Variants in RABGAP1L observed in about 807,000 individuals in gnomAD.
RABGAP1L encodes rab GTPase-activating protein 1-like.
Under a neutral mutation model 137.7 loss-of-function variants are expected in RABGAP1L, and 63 were observed. That is an observed-to-expected ratio of 0.46 (90% CI 0.37 to 0.56). The LOEUF (loss-of-function observed/expected upper bound fraction) is 0.56. Among genes scored for constraint, RABGAP1L ranks in the 20% least tolerant of loss-of-function variants. RABGAP1L has a pLI of 0.00. For missense variants in RABGAP1L, 1,095 were observed against 1,244.0 expected (o/e 0.88, Z 1.80); for synonymous variants, 431 against 433.7 (o/e 0.99, Z 0.08).
chr1:174,983,492 T>A (rs537458726), intron 24 of RABGAP1L, among the ~76,000 whole-genome samples: 1 of 152,300 alleles, frequency 6.6e-6, no homozygotes, highest in African/African-American at 2.4e-5. Flanking sequence ...AGTAAACCAA[T>A]GGATTGGTAT....
chr1:174,370,183 T>C (rs1684988603), intron 11 of RABGAP1L, among the ~76,000 whole-genome samples: 1 of 152,208 alleles, frequency 6.6e-6, no homozygotes, highest in South Asian at 2.1e-4. Context: ...AGCTATCTTA[T>C]TTTATTCCGA....
chr1:174,196,237 T>G (rs1667679325), intron 1 of RABGAP1L, among the ~76,000 whole-genome samples: 1 of 151,106 alleles, frequency 6.6e-6, no homozygotes, highest in African/African-American at 2.4e-5. Flanking sequence ...CTTTTTTTTT[T>G]TTTTGAGACT....
rs190979261 is a variant in RABGAP1L at position 174,906,673 on chromosome 1, C to G, written c.2341-50784C>G. On this transcript the variant is annotated intron_variant, in intron 19 of 25. Transcript: ENST00000681986. ...ATAATAATAGTAATAGAAAACTTTC[C>G]AGGTACAAGAAAGCCTGAGATCACT... Among the ~76,000 whole-genome samples the G allele has an allele frequency of 4.1e-3, 619 of 151,694 alleles. 5 individuals carry two copies. Among genetic ancestry groups the G allele is most frequent in the African/African-American group, 0.014 (594 of 41,460 alleles).
chr1:174,441,844 T>G (rs944981240), intron 13 of RABGAP1L, among the ~76,000 whole-genome samples: 4 of 151,896 alleles, frequency 2.6e-5, no homozygotes, highest in Non-Finnish European at 5.9e-5. Context: ...GCTTTTTTTT[T>G]TTTTTTAAAG....
At chr1:174,557,647 G>A (rs1235524465) in intron 13 of RABGAP1L, among the ~76,000 whole-genome samples, 1 of 152,228 alleles carries the variant, frequency 6.6e-6, no homozygotes, top group Admixed American at 6.5e-5. Flanking sequence ...TAGGATCCCA[G>A]TGGTTTCTTT....
At chr1:174,883,324 G>A (rs902665300) in intron 19 of RABGAP1L, among the ~76,000 whole-genome samples, 4 of 152,174 alleles carry the variant, frequency 2.6e-5, no homozygotes, top group African/African-American at 7.2e-5. Context: ...GTAACTAATT[G>A]TCTCCTTTTC....
At chr1:174,176,673 C>G (rs1665876567) in intron 1 of RABGAP1L, among the ~76,000 whole-genome samples, 1 of 122,694 alleles carries the variant, frequency 8.2e-6, no homozygotes, top group Non-Finnish European at 1.6e-5. Flanking sequence ...CATGGCACCA[C>G]TGTACTCCAG....
intron 18 of RABGAP1L, among the ~76,000 whole-genome samples, chr1:174,791,199 A>G (rs1023712535): frequency 6.6e-6 from 1 of 152,082 alleles, no homozygotes; most frequent in Admixed American, 6.5e-5. Context: ...TCAAAAAAAA[A>G]AAAAGAAAAA....
Position 174,237,819 on chromosome 1 carries a change from C to T in RABGAP1L, c.543-3664C>T, listed in dbSNP as rs1671348290. ...TTTCCTGAATCTGAACGTTGGCCTGCCTTACTAGATTGGGGAAATTCTCCT... is the reference window on the plus strand; with the variant it reads ...TTTCCTGAATCTGAACGTTGGCCTGTCTTACTAGATTGGGGAAATTCTCCT... On this transcript the variant is annotated intron_variant, in intron 4 of 25. Transcript: ENST00000681986. Among the ~76,000 whole-genome samples the T allele has an allele frequency of 2.0e-5, 3 of 150,030 alleles. 1 individual carries two copies. In the South Asian group the frequency reaches 6.4e-4, roughly 32 times the overall value.
At chr1:174,608,262 A>G (rs1295504064) in intron 13 of RABGAP1L, among the ~76,000 whole-genome samples, 2 of 151,982 alleles carry the variant, frequency 1.3e-5, no homozygotes, top group East Asian at 1.9e-4. Flanking sequence ...TTTCTATCAT[A>G]TGGATCGTTT....
chr1:174,635,953 G>T (rs1281497461), intron 13 of RABGAP1L, among the ~76,000 whole-genome samples: 1 of 152,160 alleles, frequency 6.6e-6, no homozygotes, highest in East Asian at 1.9e-4. Flanking sequence ...TTCTTGATTT[G>T]AGACTGAAGA....
intron 13 of RABGAP1L, among the ~76,000 whole-genome samples, chr1:174,617,286 C>A (rs984345886): frequency 6.6e-6 from 1 of 152,166 alleles, no homozygotes; most frequent in African/African-American, 2.4e-5. Context: ...GAAGTATAAT[C>A]ACAAAATCTG....
intron 13 of RABGAP1L, among the ~76,000 whole-genome samples, chr1:174,465,437 C>T (rs951437456): frequency 2.0e-5 from 3 of 151,918 alleles, no homozygotes; most frequent in Admixed American, 6.6e-5. Flanking sequence ...TGACCTCAGG[C>T]GATCCACCCA....
intron 12 of RABGAP1L, among the ~76,000 whole-genome samples, chr1:174,379,352 C>T (rs1685898926): frequency 6.8e-6 from 1 of 146,748 alleles, no homozygotes; most frequent in Non-Finnish European, 1.5e-5. Context: ...ATGGGGATGG[C>T]ATTGAATCTG....
chr1:174,868,182 C>T (rs1244597773), intron 19 of RABGAP1L, among the ~76,000 whole-genome samples: 1 of 152,022 alleles, frequency 6.6e-6, no homozygotes, highest in Non-Finnish European at 1.5e-5. Flanking sequence ...TGGTCTCGAA[C>T]TCCTGACCTC....
intron 13 of RABGAP1L, among the ~76,000 whole-genome samples, chr1:174,551,019 T>TATATATATATATATATATAC (rs1553330337): frequency 5.2e-5 from 6 of 116,002 alleles, no homozygotes; most frequent in African/African-American, 2.3e-4. Flanking sequence ...TATATATATA[T>TATATATATATATATATATAC]ATACATACAC....
At chr1:174,574,075 A>T (rs942726406) in intron 13 of RABGAP1L, among the ~76,000 whole-genome samples, 2 of 152,234 alleles carry the variant, frequency 1.3e-5, no homozygotes, top group African/African-American at 4.8e-5. Context: ...GGGCAGCCTT[A>T]TCGGGTCATT....
At chr1:174,234,892 C>T (rs1236778263) in intron 4 of RABGAP1L, among the ~76,000 whole-genome samples, 2 of 137,724 alleles carry the variant, frequency 1.5e-5, no homozygotes, top group South Asian at 4.8e-4. Context: ...ATTCTTCCTA[C>T]CCATGAGCAT....
intron 14 of RABGAP1L, 92 bp downstream of exon 14, chr1:174,637,580 T>C (rs536270016): frequency 1.2e-6 from 1 of 861,360 alleles, no homozygotes; most frequent in African/African-American, 1.7e-5. Context: ...TCTTCATTTC[T>C]TATTTGCACT....
Sources: gnomAD v4.1 joint callset for allele counts (sites outside exome capture counted in the v4.1 genomes callset) on GRCh38, gnomAD v4.1.1 for gene constraint, MANE v1.5 for transcripts, NCBI Gene and HGNC (gene_info 2026-07-23, HGNC 2026-07-21) for gene names.